The following NRDC variants were observed in gnomAD, a reference collection of about 807,000 sequenced individuals.
The protein encoded by NRDC is nardilysin convertase, also known as nardilysin.
NRDC carries 54 observed loss-of-function variants against 147.1 expected under a neutral mutation model. That is an observed-to-expected ratio of 0.37 (90% CI 0.29 to 0.46). NRDC has a LOEUF of 0.46. Ranked by LOEUF, NRDC falls within the 20% of genes least tolerant of loss-of-function variation. NRDC has a pLI of 1.00. For synonymous variants in NRDC, 440 were observed against 482.1 expected, an observed-to-expected ratio of 0.91 and a Z score of 1.14; for missense variants, 1,082 against 1,370.6, an observed-to-expected ratio of 0.79 and a Z score of 3.33.
Position 51,840,464 on chromosome 1 carries a change from C to T in NRDC, c.392G>A (p.Ser131Asn). The change falls in exon 2 of 31, where the codon AGT becomes AAT. Residue 131 changes from serine (S) to asparagine (N), a missense_variant. Ser to Asn is a conservative substitution (Grantham distance 46, BLOSUM62 1). Transcript: ENST00000352171. The stretch of plus-strand genomic sequence containing the variant: ...ATTTCCTGTTTTACCTTCCATATTA[C>T]TTAGGTCTGAAATCAGAAGTGCCTG... ...GLQALLISDL[S>N]NMEGKTGNTT... 6.2e-7 allele frequency: 1 copy of T among 1,612,588 alleles called. No individual in the cohort carries two copies. The highest frequency in any genetic ancestry group is 1.3e-5 in the African/African-American group (1 of 74,866).
intron 1 of NRDC, among the ~76,000 whole-genome samples, chr1:51,861,265 C>CTTTTTT (rs71063057): frequency 9.3e-6 from 1 of 108,064 alleles, no homozygotes; most frequent in Non-Finnish European, 1.8e-5. Flanking sequence ...AGTGGTATTA[C>CTTTTTT]TTTTTTTTTT....
At chr1:51,802,064 G>A (rs1415767435) in intron 20 of NRDC, among the ~76,000 whole-genome samples, 1 of 152,136 alleles carries the variant, frequency 6.6e-6, no homozygotes, top group Non-Finnish European at 1.5e-5. Flanking sequence ...TGGGATTACA[G>A]GCGTGAGCCA....
At chr1:51,868,221 A>T (rs1682911084) in intron 1 of NRDC, among the ~76,000 whole-genome samples, 1 of 152,184 alleles carries the variant, frequency 6.6e-6, no homozygotes, top group African/African-American at 2.4e-5. Flanking sequence ...AAAAATATGA[A>T]ATCGCTTGGA....
chr1:51,830,968 T>C (rs1364786786), intron 4 of NRDC, among the ~76,000 whole-genome samples: 1 of 152,232 alleles, frequency 6.6e-6, no homozygotes, highest in Admixed American at 6.5e-5. Context: ...CTTTTCCTTA[T>C]ACATTGTAGA....
At chr1:51,854,152 G>A (rs1220378735) in intron 1 of NRDC, among the ~76,000 whole-genome samples, 2 of 151,844 alleles carry the variant, frequency 1.3e-5, no homozygotes, top group Admixed American at 6.6e-5. Flanking sequence ...GGTGGATCAC[G>A]AGGTCAGGAG....
intron 4 of NRDC, among the ~76,000 whole-genome samples, chr1:51,831,167 C>A (rs372971260): frequency 6.6e-6 from 1 of 152,104 alleles, no homozygotes; most frequent in Admixed American, 6.6e-5. Flanking sequence ...AGTCCTTGTA[C>A]AAAACATATT....
chr1:51,854,136 G>A (rs1047120259), intron 1 of NRDC, among the ~76,000 whole-genome samples: 44 of 152,038 alleles, frequency 2.9e-4, no homozygotes, highest in Admixed American at 2.6e-4. Flanking sequence ...TTGGGAGGCC[G>A]AGGCGGGTGG....
At chr1:51,849,296 G>T (rs146223344) in intron 1 of NRDC, among the ~76,000 whole-genome samples, 1,912 of 152,106 alleles carry the variant, frequency 0.013, 45 homozygotes, top group African/African-American at 0.044. Flanking sequence ...TATACGGGAG[G>T]CTGAGGCAGG....
At chr1:51,842,128 G>A (rs1019966216) in intron 1 of NRDC, among the ~76,000 whole-genome samples, 20 of 151,982 alleles carry the variant, frequency 1.3e-4, no homozygotes, top group Non-Finnish European at 2.5e-4. Context: ...AGCCCAGATC[G>A]GGCCACTTTA....
chr1:51,798,401 G>C lies in NRDC; in HGVS notation c.2452C>G (p.Leu818Val), dbSNP rs1679032384. ...KPETLAKDVRLLILEYARWSM... is the reference protein window; with the variant it reads ...KPETLAKDVRVLILEYARWSM... Reference sequence around the variant, plus strand: ...CAACGGGCATATTCCAAGATTAAAAGCCGTACATCTCTGTACAGAGGGCAG... The same window carrying C: ...CAACGGGCATATTCCAAGATTAAAACCCGTACATCTCTGTACAGAGGGCAG... Residue 818 changes from leucine to valine, a missense_variant, in exon 22 of 31, where the codon CTT (leucine) becomes GTT (valine). By Grantham distance (32) the Leu-to-Val change is conservative. Coordinates refer to ENST00000352171, the MANE Select transcript of NRDC (RefSeq NM_001101662.2). The C allele has an allele frequency of 6.2e-7, 1 of 1,613,622 alleles. No homozygotes were observed. Among genetic ancestry groups the C allele is most frequent in the African/African-American group, 1.3e-5 (1 of 74,876 alleles).
chr1:51,846,402 C>T (rs909723053), intron 1 of NRDC, among the ~76,000 whole-genome samples: 1 of 152,210 alleles, frequency 6.6e-6, no homozygotes, highest in Non-Finnish European at 1.5e-5. Context: ...ACATGAGCCA[C>T]CGTGCACAGC....
intron 4 of NRDC, among the ~76,000 whole-genome samples, chr1:51,832,389 A>C (rs1257034798): frequency 6.6e-6 from 1 of 152,172 alleles, no homozygotes; most frequent in Non-Finnish European, 1.5e-5. Context: ...GTTTAAAAAA[A>C]ATTTTTTTTG....
chr1:51,846,911 G>C (rs1681652153), intron 1 of NRDC, among the ~76,000 whole-genome samples: 1 of 152,100 alleles, frequency 6.6e-6, no homozygotes. Context: ...AGACACAAAA[G>C]TTCTCCACCT....
At chr1:51,861,612 C>T (rs1285449697) in intron 1 of NRDC, among the ~76,000 whole-genome samples, 1 of 151,942 alleles carries the variant, frequency 6.6e-6, no homozygotes, top group African/African-American at 2.4e-5. Context: ...TCCCAAAGTG[C>T]TAGGATTACA....
intron 1 of NRDC, among the ~76,000 whole-genome samples, chr1:51,846,964 T>C (rs1013839994): frequency 6.6e-6 from 1 of 151,392 alleles, no homozygotes; most frequent in Admixed American, 6.7e-5. Context: ...TTGGTGCATT[T>C]ACAAACCCTG....
rs778861367 is a variant in NRDC, at chr1:51,803,917, G to A, written c.2210C>T (p.Ala737Val). The A allele has an allele frequency of 6.2e-6, 10 of 1,612,612 alleles. No homozygotes were observed. Among genetic ancestry groups the A allele is most frequent in the South Asian group, 1.1e-5 (1 of 90,876 alleles). Residue 737 changes from alanine to valine, a missense_variant, in exon 20 of 31, where the codon GCG (alanine) becomes GTG (valine). Ala to Val is a moderately conservative substitution (Grantham distance 64). Transcript: ENST00000352171. ...CACATCTGCTTCATAAGCTGGTTCC[G>A]CAAGGTTATGCGTAAGGATATTGAC... is the stretch of plus-strand genomic sequence containing the variant. The part of the protein sequence containing the change: ...IFVNILTHNL[A>V]EPAYEADVAQ...
intron 1 of NRDC, among the ~76,000 whole-genome samples, chr1:51,871,722 T>C (rs1047333849): frequency 2.0e-5 from 3 of 152,008 alleles, no homozygotes; most frequent in African/African-American, 7.3e-5. Context: ...AAGTCATACT[T>C]TACATATCCC....
chr1:51,845,453 T>G (rs1681508011), intron 1 of NRDC, among the ~76,000 whole-genome samples: 1 of 152,066 alleles, frequency 6.6e-6, no homozygotes, highest in African/African-American at 2.4e-5. Flanking sequence ...TATTAGCTTG[T>G]GTGGTGGCAT....
At chr1:51,863,013 GAAAAAAAAAAAA>G (rs562410956) in intron 1 of NRDC, among the ~76,000 whole-genome samples, 62 of 32,060 alleles carry the variant, frequency 1.9e-3, no homozygotes, top group African/African-American at 7.7e-3. Context: ...CTGTGTGGAG[GAAAAAAAAAAAA>G]AAAAAAAAAA....
Sources: allele counts gnomAD v4.1 joint callset (sites outside exome capture counted in the v4.1 genomes callset), GRCh38; gene constraint gnomAD v4.1.1; transcripts MANE v1.5; gene names NCBI Gene and HGNC (gene_info 2026-07-23, HGNC 2026-07-21).